Variants in CCDC91 observed in about 807,000 individuals in gnomAD.
CCDC91 encodes the protein coiled-coil domain-containing protein 91.
Under a neutral mutation model 63.2 loss-of-function variants are expected in CCDC91, and 48 were observed. The ratio of observed to expected loss-of-function variants is 0.76; its 90% CI spans 0.60 to 0.97. CCDC91 has a LOEUF of 0.97. Ranked by LOEUF, CCDC91 falls within the 50% of genes least tolerant of loss-of-function variation. The pLI, the probability that CCDC91 is intolerant of heterozygous loss-of-function variation, is 0.00. For synonymous variants in CCDC91, 167 were observed against 165.8 expected, an observed-to-expected ratio of 1.01 and a Z score of -0.06; for missense variants, 500 against 494.6, an observed-to-expected ratio of 1.01 and a Z score of -0.10.
rs1159290653 is a variant in CCDC91 at position 28,391,383 on chromosome 12, A to G, written c.734A>G (p.His245Arg). The change falls in exon 8 of 13, where the codon CAC becomes CGC. Residue 245 changes from histidine (H) to arginine (R), a missense_variant. His to Arg is a conservative substitution (Grantham distance 29). Transcript: ENST00000536442. Reference sequence around the variant, plus strand: ...ATTTCTGCAATTGAGAAACAGGCACACAAGTGTGAGGAGTTGCTAAATGCT... The same window carrying G: ...ATTTCTGCAATTGAGAAACAGGCACGCAAGTGTGAGGAGTTGCTAAATGCT... Reference protein sequence around the residue: ...QYISAIEKQAHKCEELLNAQH... With the variant: ...QYISAIEKQARKCEELLNAQH... 1.9e-6 allele frequency: 3 copies of G among 1,611,808 alleles called. No individual in the cohort carries two copies. Among genetic ancestry groups the G allele is most frequent in the Non-Finnish European group, 2.5e-6 (3 of 1,178,130 alleles).
intron 11 of CCDC91, among the ~76,000 whole-genome samples, chr12:28,461,355 G>A (rs1048774327): frequency 1.3e-5 from 2 of 151,948 alleles, no homozygotes; most frequent in African/African-American, 4.8e-5. Flanking sequence ...CTACACTATG[G>A]ATATCTGTTT....
intron 3 of CCDC91, among the ~76,000 whole-genome samples, chr12:28,285,573 G>T (rs186125148): frequency 6.6e-6 from 1 of 151,796 alleles, no homozygotes; most frequent in East Asian, 2.0e-4. Flanking sequence ...TGATATTGCA[G>T]CAATTTGCCA....
intron 8 of CCDC91, among the ~76,000 whole-genome samples, 192 bp downstream of exon 8, chr12:28,391,603 G>C (rs1945951976): frequency 6.6e-6 from 1 of 151,982 alleles, no homozygotes; most frequent in Non-Finnish European, 1.5e-5. Context: ...GAAATATGTG[G>C]GTCTCCCCCA....
At chr12:28,404,691 T>C (rs564725956) in intron 8 of CCDC91, among the ~76,000 whole-genome samples, 2 of 152,236 alleles carry the variant, frequency 1.3e-5, no homozygotes, top group South Asian at 4.1e-4. Context: ...GGGACATACA[T>C]ACTAAGTATT....
At chr12:28,508,913 T>C (rs1327962797) in intron 12 of CCDC91, among the ~76,000 whole-genome samples, 4 of 151,954 alleles carry the variant, frequency 2.6e-5, no homozygotes, top group Non-Finnish European at 5.9e-5. Flanking sequence ...ATACAGTGTA[T>C]TCTGTGACCT....
intron 1 of CCDC91, among the ~76,000 whole-genome samples, chr12:28,254,279 C>T (rs1946300105): frequency 6.6e-6 from 1 of 152,110 alleles, no homozygotes; most frequent in South Asian, 2.1e-4. Context: ...TGTCTTTCTG[C>T]CATTACACAA....
At chr12:28,433,390 A>G (rs1411550357) in intron 8 of CCDC91, among the ~76,000 whole-genome samples, 1 of 151,872 alleles carries the variant, frequency 6.6e-6, no homozygotes. Context: ...ATTAATTTTC[A>G]TGAAAGTTAT....
rs1437209635 is a variant in CCDC91 at position 28,267,763 on chromosome 12, ATATAATTATAT to A, written c.109+8325_109+8335del. Among the ~76,000 whole-genome samples the A allele has an allele frequency of 5.3e-4, 36 of 67,464 alleles. 1 individual carries two copies. Among genetic ancestry groups the A allele is most frequent in the Non-Finnish European group, 8.5e-4 (32 of 37,856 alleles). 44.3% of individuals were successfully genotyped at this position (67,464 alleles called of 152,430 possible). ...TAATTATATATTACTATATAATTAT[ATATAATTATAT>A]TATTAATATATAATTATATATAATT... is the stretch of plus-strand genomic sequence containing the variant. On this transcript the variant is annotated intron_variant, in intron 3 of 12. Coordinates refer to ENST00000536442, the MANE Select transcript of CCDC91 (RefSeq NM_018318.5).
At chr12:28,345,516 A>C (rs536731177) in intron 6 of CCDC91, among the ~76,000 whole-genome samples, 37 of 152,102 alleles carry the variant, frequency 2.4e-4, no homozygotes, top group Middle Eastern at 3.4e-3. Flanking sequence ...TTATTCACTT[A>C]CTATCTACAC....
chr12:28,336,058 C>CTTT (rs397686785), intron 6 of CCDC91, among the ~76,000 whole-genome samples: 3 of 148,212 alleles, frequency 2.0e-5, no homozygotes, highest in African/African-American at 7.4e-5. Flanking sequence ...ATTTGAACTA[C>CTTT]TTTTTTTTTT....
intron 6 of CCDC91, among the ~76,000 whole-genome samples, chr12:28,326,576 G>T (rs1254023930): frequency 8.7e-6 from 1 of 114,648 alleles, no homozygotes; most frequent in African/African-American, 3.5e-5. Flanking sequence ...ACAGTCCCCA[G>T]AGTGTGATGT....
intron 1 of CCDC91, among the ~76,000 whole-genome samples, chr12:28,253,936 T>C (rs1357224189): frequency 1.3e-5 from 2 of 152,194 alleles, no homozygotes; most frequent in Admixed American, 6.5e-5. Context: ...TTACATCTTA[T>C]GTTATTTGTA....
intron 11 of CCDC91, among the ~76,000 whole-genome samples, chr12:28,459,944 T>A (rs533075313): frequency 3.5e-4 from 54 of 152,312 alleles, no homozygotes; most frequent in African/African-American, 1.3e-3. Flanking sequence ...GATAGTTTAT[T>A]TTTTAGCGAT....
intron 3 of CCDC91, among the ~76,000 whole-genome samples, chr12:28,276,769 T>C (rs1374115590): frequency 6.6e-6 from 1 of 151,996 alleles, no homozygotes; most frequent in African/African-American, 2.4e-5. Context: ...GTTTTGCCCA[T>C]TGTGAATATT....
intron 1 of CCDC91, among the ~76,000 whole-genome samples, chr12:28,206,972 T>A (rs773355449): frequency 3.3e-5 from 5 of 152,234 alleles, no homozygotes; most frequent in Non-Finnish European, 7.3e-5. Context: ...ATGTTCTGTT[T>A]CTGACTGATT....
intron 8 of CCDC91, among the ~76,000 whole-genome samples, chr12:28,403,099 G>A (rs937729353): frequency 2.0e-5 from 3 of 152,098 alleles, no homozygotes; most frequent in Non-Finnish European, 2.9e-5. Context: ...TTGATCTATA[G>A]TTTTCTTTTC....
chr12:28,238,109 GAA>G (rs888551136), intron 1 of CCDC91, among the ~76,000 whole-genome samples: 8 of 152,168 alleles, frequency 5.3e-5, no homozygotes, highest in Admixed American at 3.3e-4. Flanking sequence ...ATATTTGTAT[GAA>G]ACTTAACACA....
chr12:28,245,481 A>T (rs1565664823), intron 1 of CCDC91, among the ~76,000 whole-genome samples: 1 of 152,158 alleles, frequency 6.6e-6, no homozygotes, highest in African/African-American at 2.4e-5. Context: ...AGCAACTGAT[A>T]AATTGTTATT....
chr12:28,452,605 T>G lies in CCDC91; in HGVS notation c.1052T>G (p.Val351Gly). 6.3e-7 allele frequency: 1 copy of G among 1,578,100 alleles called. No individual in the cohort carries two copies. The highest frequency in any genetic ancestry group is 8.6e-7 in the Non-Finnish European group (1 of 1,163,314). ...GAACATGCAAAAGATCAAGAAAAAGTATCTCAGGAAATTCAAAAAGCTATA... is the reference window on the plus strand; with the variant it reads ...GAACATGCAAAAGATCAAGAAAAAGGATCTCAGGAAATTCAAAAAGCTATA... ...KTEHAKDQEK[V>G]SQEIQKAIQE... is the part of the protein sequence containing the mutation. The change falls in exon 11 of 13, where the codon GTA becomes GGA. Residue 351 changes from valine (V) to glycine (G), a missense_variant. By Grantham distance (109) the Val-to-Gly change is moderately radical. Coordinates refer to ENST00000536442, the MANE Select transcript of CCDC91 (RefSeq NM_018318.5).
Sources: gnomAD v4.1 joint callset for allele counts (sites outside exome capture counted in the v4.1 genomes callset) on GRCh38, gnomAD v4.1.1 for gene constraint, MANE v1.5 for transcripts, NCBI Gene and HGNC (gene_info 2026-07-23, HGNC 2026-07-21) for gene names.